PTCHD4: variants seen among roughly 807,000 people sequenced by gnomAD.
PTCHD4 encodes patched domain containing 4.
In PTCHD4, 33 loss-of-function variants were observed where a neutral mutation model predicts 58.1. The ratio of observed to expected loss-of-function variants is 0.57; its 90% CI spans 0.43 to 0.76. The LOEUF (loss-of-function observed/expected upper bound fraction) is 0.76, where lower values mean the gene tolerates loss of function less well. Among genes scored for constraint, PTCHD4 ranks in the 30% least tolerant of loss-of-function variants. The pLI is 0.00. For missense variants in PTCHD4, 1,058 were observed against 1,027.1 expected (o/e 1.03, Z -0.41); for synonymous variants, 478 against 409.6 (o/e 1.17, Z -2.02).
At chr6:48,082,489 AAT>A (rs1345506389) in intron 1 of PTCHD4, among the ~76,000 whole-genome samples, 3 of 152,148 alleles carry the variant, frequency 2.0e-5, no homozygotes, top group Non-Finnish European at 4.4e-5. Flanking sequence ...CACAATGCAT[AAT>A]TCCATATTTT....
intron 4 of PTCHD4, among the ~76,000 whole-genome samples, chr6:47,939,120 A>G (rs1207550594): frequency 6.6e-6 from 1 of 152,104 alleles, no homozygotes; most frequent in Non-Finnish European, 1.5e-5. Context: ...GAGAAGAGGT[A>G]GCTGAGCCTG....
At chr6:47,899,225 G>A (rs1197027828) in intron 4 of PTCHD4, among the ~76,000 whole-genome samples, 1 of 152,128 alleles carries the variant, frequency 6.6e-6, no homozygotes, top group Non-Finnish European at 1.5e-5. Context: ...TCCTATCTTG[G>A]TCTTGCCCTT....
chr6:47,909,195 G>A (rs563185464), intron 4 of PTCHD4, among the ~76,000 whole-genome samples: 2 of 152,238 alleles, frequency 1.3e-5, no homozygotes, highest in South Asian at 4.1e-4. Context: ...GTAATTTGAG[G>A]TAGTTTAAAT....
At chr6:48,051,156 A>C (rs1297639145) in intron 3 of PTCHD4, among the ~76,000 whole-genome samples, 1 of 151,936 alleles carries the variant, frequency 6.6e-6, no homozygotes, top group African/African-American at 2.4e-5. Flanking sequence ...TAATGATTTA[A>C]AGATTTAATA....
chr6:47,909,345 A>G (rs1764993951), intron 4 of PTCHD4, among the ~76,000 whole-genome samples: 1 of 152,142 alleles, frequency 6.6e-6, no homozygotes, highest in Non-Finnish European at 1.5e-5. Context: ...ACAAAATGCT[A>G]ACCTAAAATG....
chr6:47,911,851 A>C (rs1765080494), intron 4 of PTCHD4, among the ~76,000 whole-genome samples: 1 of 152,124 alleles, frequency 6.6e-6, no homozygotes, highest in African/African-American at 2.4e-5. Flanking sequence ...GATGAGATCT[A>C]GGGAATAAAT....
chr6:47,994,472 G>A (rs1264348623), intron 4 of PTCHD4, among the ~76,000 whole-genome samples: 1 of 152,196 alleles, frequency 6.6e-6, no homozygotes, highest in Non-Finnish European at 1.5e-5. Context: ...AGCATGGGAA[G>A]TGATGATAGG....
intron 4 of PTCHD4, among the ~76,000 whole-genome samples, chr6:47,936,387 A>G (rs749320209): frequency 9.2e-5 from 14 of 152,176 alleles, no homozygotes; most frequent in Non-Finnish European, 2.1e-4. Flanking sequence ...TAGATGGTAA[A>G]TTTTATGGTC....
intron 3 of PTCHD4, among the ~76,000 whole-genome samples, chr6:48,064,782 T>C (rs1231334030): frequency 2.0e-5 from 3 of 152,140 alleles, no homozygotes; most frequent in Non-Finnish European, 4.4e-5. Context: ...AAGTGAATAG[T>C]ACAGAAAGGA....
rs1266284928 is a variant in PTCHD4 at position 47,878,984 on chromosome 6, T to C, written c.1851A>G (p.Lys617=). ...GCTTTTCCAACACTTCTGTGATTTC[T>C]TTCTGCTTGTCTCTGCTAGTCCTGG... The part of the protein sequence containing the change: ...LVARTSRDKQ[K]EITEVLEKLR... Residue 617 remains lysine, a synonymous_variant, in exon 5 of 5, where the codon AAA becomes AAG. Coordinates refer to ENST00000339488, the MANE Select transcript of PTCHD4 (RefSeq NM_001384253.1). The C allele has an allele frequency of 2.5e-6, 4 of 1,613,140 alleles. No individual in the cohort carries two copies. The African/African-American group carries it at 4.0e-5, about 16-fold the overall frequency.
At chr6:47,987,017 G>C (rs1768091206) in intron 4 of PTCHD4, among the ~76,000 whole-genome samples, 1 of 151,646 alleles carries the variant, frequency 6.6e-6, no homozygotes, top group Non-Finnish European at 1.5e-5. Flanking sequence ...GAGATACCAG[G>C]GTATTAAAAA....
intron 4 of PTCHD4, chr6:47,891,045 T>TAAAAAAA (rs59150823): frequency 2.4e-5 from 3 of 125,972 alleles, no homozygotes; most frequent in South Asian, 2.7e-4. Flanking sequence ...TTGCATCAAC[T>TAAAAAAA]AAAAAAAAAA....
At chr6:48,010,154 A>G (rs1311458677) in intron 3 of PTCHD4, among the ~76,000 whole-genome samples, 2 of 152,226 alleles carry the variant, frequency 1.3e-5, no homozygotes, top group Non-Finnish European at 2.9e-5. Context: ...AGGTTGCATG[A>G]TGAAGTATAG....
At chr6:48,030,832 A>C (rs546005323) in intron 3 of PTCHD4, among the ~76,000 whole-genome samples, 1 of 152,174 alleles carries the variant, frequency 6.6e-6, no homozygotes, top group East Asian at 1.9e-4. Flanking sequence ...TCTAACTATT[A>C]ATCTTTGTTT....
chr6:47,982,780 C>CCCAG (rs1452940042), intron 4 of PTCHD4, among the ~76,000 whole-genome samples: 1 of 152,190 alleles, frequency 6.6e-6, no homozygotes, highest in African/African-American at 2.4e-5. Context: ...AGCCACCGCA[C>CCCAG]CCAGCCGTCT....
chr6:48,095,732 CAAAAA>C (rs112185985), intron 1 of PTCHD4, among the ~76,000 whole-genome samples: 2 of 124,978 alleles, frequency 1.6e-5, no homozygotes, highest in Admixed American at 8.2e-5. Context: ...CAAAAGGAAC[CAAAAA>C]AAAAAAAAAA....
At chr6:48,045,364 A>G (rs1263652953) in intron 3 of PTCHD4, among the ~76,000 whole-genome samples, 1 of 151,842 alleles carries the variant, frequency 6.6e-6, no homozygotes, top group Non-Finnish European at 1.5e-5. Context: ...CACATTTAAA[A>G]GTGTTTGAGT....
At chr6:47,917,571 G>C (rs1283613577) in intron 4 of PTCHD4, among the ~76,000 whole-genome samples, 1 of 152,052 alleles carries the variant, frequency 6.6e-6, no homozygotes, top group African/African-American at 2.4e-5. Context: ...CAACCATCTT[G>C]AAGAAAACAC....
chr6:47,990,349 G>T (rs1403297417), intron 4 of PTCHD4, among the ~76,000 whole-genome samples: 1 of 152,154 alleles, frequency 6.6e-6, no homozygotes, highest in Non-Finnish European at 1.5e-5. Context: ...GAAATGTGAG[G>T]ATGTGAGATT....
Sources: allele counts gnomAD v4.1 joint callset (sites outside exome capture counted in the v4.1 genomes callset), GRCh38; gene constraint gnomAD v4.1.1; transcripts MANE v1.5; gene names NCBI Gene and HGNC (gene_info 2026-07-23, HGNC 2026-07-21).